The following PADI2 variants were observed in gnomAD, a reference collection of about 807,000 sequenced individuals.
PADI2 encodes the protein peptidyl arginine deiminase 2, also known as protein-arginine deiminase type-2.
PADI2 carries 70 observed loss-of-function variants against 81.1 expected under a neutral mutation model. That is an observed-to-expected ratio of 0.86 (90% confidence interval 0.71 to 1.05). PADI2 has a LOEUF of 1.05. PADI2 is among the 50% of genes least tolerant of loss of function. The probability of loss-of-function intolerance (pLI) is 0.00; values close to 1 mark genes in which losing one functional copy is unlikely to be tolerated. For missense variants in PADI2, 853 were observed against 889.9 expected, an observed-to-expected ratio of 0.96 and a Z score of 0.53; for synonymous variants, 338 against 358.0, an observed-to-expected ratio of 0.94 and a Z score of 0.63.
rs1198011248 is a variant in PADI2, at chr1:17,104,899, G to A, written c.255C>T (p.Ser85=). The A allele has an allele frequency of 1.3e-6, 2 of 1,586,188 alleles. No individual in the cohort carries two copies. Among genetic ancestry groups the A allele is most frequent in the Non-Finnish European group, 8.6e-7 (1 of 1,167,026 alleles). The stretch of plus-strand genomic sequence containing the variant: ...GTACCTTGTCACTGCTGGCCTCGGT[G>A]CTCGCCTGGCTCATGGTGACCCGCA... The part of the protein sequence containing the change: ...TTLRVTMSQA[S]TEASSDKVTV... The change falls in exon 2 of 16, where the codon AGC becomes AGT. Residue 85 remains serine (S), a synonymous_variant. Transcript: ENST00000375486.
chr1:17,087,684 C>T (rs1000699620), intron 6 of PADI2, among the ~76,000 whole-genome samples: 32 of 151,988 alleles, frequency 2.1e-4, no homozygotes, highest in African/African-American at 7.2e-4. Context: ...TATTTTTTAG[C>T]AGAGACAGGG....
At chr1:17,088,998 A>G (rs1443428752) in intron 6 of PADI2, among the ~76,000 whole-genome samples, 1 of 151,964 alleles carries the variant, frequency 6.6e-6, no homozygotes, top group South Asian at 2.1e-4. Context: ...GTGGGAGATA[A>G]TGATACCCAC....
rs1345484713 is a variant in PADI2 at position 17,067,111 on chromosome 1, A to C, written c.*1933T>G. 6.6e-6 allele frequency: 1 copy of C among 151,862 alleles called. No homozygotes were observed. Among genetic ancestry groups the C allele is most frequent in the Non-Finnish European group, 1.5e-5 (1 of 68,010 alleles). The allele number at this position is 151,862 out of a possible 1,614,324, so 9.4% of individuals were successfully genotyped here. A position where few individuals can be genotyped will look rare whatever the true frequency, so the allele number is the denominator to read the frequency against. ...TCCTGGGAACTTCAGAAACATCAGA[A>C]ATTACCGACATCATTGGGGAAAGCC... is the stretch of plus-strand genomic sequence containing the variant. On this transcript the variant is annotated 3_prime_UTR_variant, in exon 16 of 16. Transcript: ENST00000375486.
intron 1 of PADI2, among the ~76,000 whole-genome samples, chr1:17,117,699 C>A (rs1251569640): frequency 6.6e-6 from 1 of 152,226 alleles, no homozygotes; most frequent in Non-Finnish European, 1.5e-5. Flanking sequence ...CTTTGCTCCC[C>A]ACCCCCGACT....
At chr1:17,080,031 T>C (rs2078332752) in intron 10 of PADI2, among the ~76,000 whole-genome samples, 1 of 152,132 alleles carries the variant, frequency 6.6e-6, no homozygotes. Context: ...CCTCAAGTGA[T>C]CCACCCACCT....
chr1:17,073,373 C>T (rs908559547), intron 13 of PADI2, among the ~76,000 whole-genome samples: 1 of 148,448 alleles, frequency 6.7e-6, no homozygotes, highest in Non-Finnish European at 1.5e-5. Context: ...GCCGAGATGG[C>T]ACCACTGCAC....
At chr1:17,112,529 G>C (rs562033467) in intron 1 of PADI2, among the ~76,000 whole-genome samples, 2 of 105,752 alleles carry the variant, frequency 1.9e-5, no homozygotes, top group African/African-American at 8.6e-5. Flanking sequence ...AGTCTGGGGG[G>C]GGGAGTCGTG....
intron 13 of PADI2, among the ~76,000 whole-genome samples, chr1:17,074,302 G>C (rs550344182): frequency 6.2e-4 from 94 of 151,228 alleles, no homozygotes; most frequent in Non-Finnish European, 1.3e-3. Context: ...TGAGGCAGGA[G>C]AATCGCTTGA....
intron 13 of PADI2, among the ~76,000 whole-genome samples, chr1:17,073,924 A>G (rs2078282519): frequency 6.6e-6 from 1 of 152,184 alleles, no homozygotes. Context: ...CGTAGAAGAT[A>G]ATGTCTCACT....
intron 1 of PADI2, among the ~76,000 whole-genome samples, chr1:17,107,310 T>A (rs750826043): frequency 2.1e-4 from 32 of 152,124 alleles, no homozygotes; most frequent in Non-Finnish European, 5.9e-5. Context: ...TTGAAGGCTG[T>A]AGATTTGTAG....
At chr1:17,094,702 G>A (rs1297550849) in intron 4 of PADI2, among the ~76,000 whole-genome samples, 2 of 152,244 alleles carry the variant, frequency 1.3e-5, no homozygotes, top group African/African-American at 4.8e-5. Context: ...TGGGATGAGT[G>A]AAGAAAATGT....
chr1:17,074,744 G>A, intron 13 of PADI2, 112 bp downstream of exon 13: 1 of 635,270 alleles, frequency 1.6e-6, no homozygotes, highest in African/African-American at 1.8e-5. Flanking sequence ...CAGACACCCA[G>A]GGAAGTGGAG....
intron 6 of PADI2, among the ~76,000 whole-genome samples, chr1:17,086,989 G>C (rs1930491841): frequency 6.6e-6 from 1 of 152,176 alleles, no homozygotes; most frequent in African/African-American, 2.4e-5. Flanking sequence ...GAAATTGCCA[G>C]CTGAGCAGTT....
At chr1:17,110,650 G>A (rs774457682) in intron 1 of PADI2, among the ~76,000 whole-genome samples, 3 of 152,092 alleles carry the variant, frequency 2.0e-5, no homozygotes, top group East Asian at 1.9e-4. Flanking sequence ...CATTTTCTGC[G>A]GTTCCTTCCA....
intron 1 of PADI2, among the ~76,000 whole-genome samples, chr1:17,110,325 C>A (rs1252457526): frequency 6.6e-6 from 1 of 152,104 alleles, no homozygotes; most frequent in Non-Finnish European, 1.5e-5. Context: ...GATGGAGGGA[C>A]AGGCTGCCAA....
intron 3 of PADI2, among the ~76,000 whole-genome samples, chr1:17,096,616 C>T (rs1930942795): frequency 6.6e-6 from 1 of 152,212 alleles, no homozygotes; most frequent in African/African-American, 2.4e-5. Context: ...GGCCAGGCCC[C>T]CACTTATCCC....
rs1192719950 is a variant in PADI2 at position 17,067,751 on chromosome 1, A to C, written c.*1293T>G. On this transcript the variant is annotated 3_prime_UTR_variant, in exon 16 of 16. Coordinates refer to ENST00000375486, the MANE Select transcript of PADI2 (RefSeq NM_007365.3). Reference sequence around the variant, plus strand: ...TGTTTGTTGAATGGTTGAAGGAAATAATCCCAAATGAAAATCTTGTTCCTC... The same window carrying C: ...TGTTTGTTGAATGGTTGAAGGAAATCATCCCAAATGAAAATCTTGTTCCTC... The C allele has an allele frequency of 6.6e-6, 1 of 152,242 alleles. No homozygotes were observed. Among genetic ancestry groups the C allele is most frequent in the Non-Finnish European group, 1.5e-5 (1 of 68,040 alleles). The allele number at this position is 152,242 out of a possible 1,614,324, so 9.4% of individuals were successfully genotyped here.
At chr1:17,092,319 G>T in intron 6 of PADI2, 89 bp downstream of exon 6, 2 of 1,095,640 alleles carry the variant, frequency 1.8e-6, no homozygotes, top group Non-Finnish European at 2.6e-6. Context: ...TCTTCCCCAG[G>T]CACCTGCACC....
chr1:17,087,391 C>A lies in PADI2; in HGVS notation c.656-692G>T, dbSNP rs139313099. On this transcript the variant is annotated intron_variant, in intron 6 of 15. Transcript: ENST00000375486. ...AGGCCTTGGTTTGTGTCACTTGCAA[C>A]AATCCAGCCCAGTTTCCCCAGAGAC... Among the ~76,000 whole-genome samples the A allele has an allele frequency of 3.3e-5, 5 of 152,360 alleles. No individual in the cohort carries two copies. In the East Asian group the frequency reaches 9.6e-4, roughly 29 times the overall value.
Sources: gnomAD v4.1 joint callset for allele counts (sites outside exome capture counted in the v4.1 genomes callset) on GRCh38, gnomAD v4.1.1 for gene constraint, MANE v1.5 for transcripts, NCBI Gene and HGNC (gene_info 2026-07-23, HGNC 2026-07-21) for gene names.